The following CCDC30 variants were observed in gnomAD, a reference collection of about 807,000 sequenced individuals.
CCDC30 encodes coiled-coil domain-containing protein 30.
CCDC30 carries 70 observed loss-of-function variants against 100.2 expected under a neutral mutation model. That is an observed-to-expected ratio of 0.70 (90% CI 0.58 to 0.85). CCDC30 has a LOEUF of 0.85. Ranked by LOEUF, CCDC30 falls within the 40% of genes least tolerant of loss-of-function variation. The pLI is 0.00. For missense variants in CCDC30, 652 were observed against 771.2 expected (o/e 0.85, Z 1.83); for synonymous variants, 233 against 269.5 (o/e 0.86, Z 1.33).
At chr1:42,541,489 A>G (rs1645010582) in intron 6 of CCDC30, among the ~76,000 whole-genome samples, 1 of 152,244 alleles carries the variant, frequency 6.6e-6, no homozygotes, top group South Asian at 2.1e-4. Flanking sequence ...TGTAATTCAG[A>G]TTACCCACAC....
chr1:42,489,752 A>C (rs1342592786), intron 3 of CCDC30, among the ~76,000 whole-genome samples: 1 of 152,220 alleles, frequency 6.6e-6, no homozygotes, highest in African/African-American at 2.4e-5. Flanking sequence ...TATTTCTAGC[A>C]GCTATTGGCA....
chr1:42,651,797 C>T (rs1184780582), intron 15 of CCDC30, among the ~76,000 whole-genome samples: 1 of 152,022 alleles, frequency 6.6e-6, no homozygotes, highest in Non-Finnish European at 1.5e-5. Context: ...TTCCTTAAGC[C>T]CAGGAGGTCA....
intron 6 of CCDC30, among the ~76,000 whole-genome samples, chr1:42,564,694 T>C (rs532316398): frequency 1.3e-5 from 2 of 152,340 alleles, no homozygotes; most frequent in South Asian, 4.1e-4. Flanking sequence ...TTTTTTGTGG[T>C]GAGAACATTT....
chr1:42,456,750 G>A, the CCDC30 span: 2 of 1,611,592 alleles, frequency 1.2e-6, no homozygotes, highest in South Asian at 2.2e-5. Context: ...AACTTCAGCA[G>A]CGGGCGGCGC....
At chr1:42,644,123 T>C (rs913528012) in intron 13 of CCDC30, among the ~76,000 whole-genome samples, 3 of 152,208 alleles carry the variant, frequency 2.0e-5, no homozygotes, top group Non-Finnish European at 2.9e-5. Flanking sequence ...TAAATATGTA[T>C]ATGTAAAGGA....
intron 6 of CCDC30, among the ~76,000 whole-genome samples, chr1:42,499,884 C>A (rs1163460251): frequency 1.3e-5 from 2 of 152,068 alleles, no homozygotes; most frequent in Non-Finnish European, 2.9e-5. Flanking sequence ...TCTGATTAAA[C>A]CGCATTACAG....
intron 12 of CCDC30, among the ~76,000 whole-genome samples, chr1:42,639,046 C>T (rs1647224474): frequency 6.6e-6 from 1 of 152,178 alleles, no homozygotes. Context: ...CTGCTTTCAA[C>T]AGGCATGCTA....
At chr1:42,654,050 T>G in exon 17 of CCDC30, 1 of 1,568,840 alleles carries the variant, frequency 6.4e-7, no homozygotes, top group Non-Finnish European at 8.8e-7. Context: ...CCTAAAGCTA[T>G]ACTGAACAAA....
chr1:42,564,519 A>ACCTCAGGTGATCCACCCACCTCCG (rs370943075), intron 6 of CCDC30, among the ~76,000 whole-genome samples: 1 of 151,038 alleles, frequency 6.6e-6, no homozygotes, highest in Non-Finnish European at 1.5e-5. Flanking sequence ...TGAACTCCTG[A>ACCTCAGGTGATCCACCCACCTCCG]CCTCCCAAAG....
intron 6 of CCDC30, among the ~76,000 whole-genome samples, chr1:42,544,403 G>GA (rs1645079508): frequency 6.6e-6 from 1 of 152,216 alleles, no homozygotes; most frequent in Non-Finnish European, 1.5e-5. Flanking sequence ...AATTACATGG[G>GA]AGGCTTATTT....
intron 11 of CCDC30, among the ~76,000 whole-genome samples, chr1:42,625,030 G>A (rs1436724011): frequency 6.6e-6 from 1 of 151,858 alleles, no homozygotes; most frequent in Non-Finnish European, 1.5e-5. Flanking sequence ...TCTTTACTGG[G>A]GGACTTTTTT....
At chr1:42,613,563 G>C (rs1461455491) in intron 11 of CCDC30, among the ~76,000 whole-genome samples, 1 of 152,112 alleles carries the variant, frequency 6.6e-6, no homozygotes, top group Non-Finnish European at 1.5e-5. Flanking sequence ...CTATTCATGT[G>C]CTTTCTGGGA....
At chr1:42,587,108 C>A (rs1444850685) in intron 9 of CCDC30, among the ~76,000 whole-genome samples, 1 of 152,124 alleles carries the variant, frequency 6.6e-6, no homozygotes, top group African/African-American at 2.4e-5. Flanking sequence ...AGCACTTCGC[C>A]CACCTCAGCC....
intron 1 of CCDC30, chr1:42,472,982 G>A: frequency 1.5e-6 from 1 of 672,144 alleles, no homozygotes; most frequent in Non-Finnish European, 2.0e-6. Context: ...GGTTCAGGTA[G>A]CTTACTAGCT....
chr1:42,497,017 A>C, intron 4 of CCDC30, 81 bp from the exon 5 acceptor site: 1 of 619,750 alleles, frequency 1.6e-6, no homozygotes, highest in Non-Finnish European at 2.3e-6. Context: ...GCTAAATAGC[A>C]CTTCCTTCGT....
At chr1:42,514,643 T>C (rs937516608) in intron 6 of CCDC30, among the ~76,000 whole-genome samples, 2 of 152,104 alleles carry the variant, frequency 1.3e-5, no homozygotes, top group Admixed American at 6.6e-5. Flanking sequence ...TATTAGTCTC[T>C]TATGTGTTTT....
At chr1:42,569,102 AG>A (rs1645674951) in intron 7 of CCDC30, 1 of 152,226 alleles carries the variant, frequency 6.6e-6, no homozygotes, top group African/African-American at 2.4e-5. Flanking sequence ...CCCCTGTGCA[AG>A]GATGACACGC....
chr1:42,577,121 G>A, exon 8 of CCDC30: 1 of 1,614,010 alleles, frequency 6.2e-7, no homozygotes, highest in South Asian at 1.1e-5. Flanking sequence ...AGAAAATCAA[G>A]GAACTGGAGT....
chr1:42,526,834 A>C (rs1644730933), intron 6 of CCDC30, among the ~76,000 whole-genome samples: 1 of 152,188 alleles, frequency 6.6e-6, no homozygotes, highest in Non-Finnish European at 1.5e-5. Flanking sequence ...TGTCTTATAG[A>C]ATGAAACTTC....
Sources: gnomAD v4.1 joint callset for allele counts (sites outside exome capture counted in the v4.1 genomes callset) on GRCh38, gnomAD v4.1.1 for gene constraint, MANE v1.5 for transcripts, NCBI Gene and HGNC (gene_info 2026-07-23, HGNC 2026-07-21) for gene names.